Variants in HMG20A observed in about 807,000 individuals in gnomAD.
HMG20A encodes the protein high mobility group 20A.
A neutral mutation model predicts 43.9 loss-of-function variants in HMG20A; 17 were observed. The observed-to-expected ratio is 0.39, with a 90% CI of 0.27 to 0.58. HMG20A has a LOEUF of 0.58. Among genes scored for constraint, HMG20A ranks in the 20% least tolerant of loss-of-function variants. HMG20A has a pLI of 0.59. For synonymous variants in HMG20A, 132 were observed against 147.5 expected (o/e 0.89, Z 0.76); for missense variants, 341 against 438.2 (o/e 0.78, Z 1.98).
rs899889069 is a variant in HMG20A at position 77,458,488 on chromosome 15, T to C, written c.81T>C (p.Ala27=). 5 of 1,609,488 alleles carry C rather than the reference T, an allele frequency of 3.1e-6. No homozygotes were observed. In the African/African-American group the frequency reaches 4.0e-5, roughly 13 times the overall value. The part of the protein sequence containing the change: ...EDGSKESNDL[A]TTGLNHPEVP... ...GTTCCAAGGAGAGTAATGATCTGGC[T>C]ACCACTGGGTAAGCAGCTGCTTTAG... Residue 27 remains alanine, a synonymous_variant, in exon 2 of 10, where the codon GCT becomes GCC. Coordinates refer to ENST00000336216, the MANE Select transcript of HMG20A (RefSeq NM_001304504.2).
chr15:77,494,029 C>A, the HMG20A span, among the ~76,000 whole-genome samples: 303 of 152,298 alleles, frequency 2.0e-3, no homozygotes, highest in Non-Finnish European at 3.5e-3. Flanking sequence ...GAACTTTTCT[C>A]CCAGATCCTG....
intron 1 of HMG20A, 121 bp downstream of exon 1, chr15:77,421,125 G>T: frequency 2.5e-6 from 1 of 392,848 alleles, no homozygotes. Context: ...GGCTGAATGG[G>T]GGCGCCTCAA....
intron 2 of HMG20A, among the ~76,000 whole-genome samples, chr15:77,461,809 A>C (rs1028007175): frequency 6.6e-6 from 1 of 152,222 alleles, no homozygotes; most frequent in Non-Finnish European, 1.5e-5. Context: ...TTAGTAACTT[A>C]AAAATTGATG....
At chr15:77,458,794 G>C (rs1416738723) in intron 2 of HMG20A, among the ~76,000 whole-genome samples, 2 of 152,288 alleles carry the variant, frequency 1.3e-5, no homozygotes, top group African/African-American at 4.8e-5. Context: ...CACAGAGCTA[G>C]CTCTAAAAAA....
chr15:77,462,420 CT>C (rs1341822933), intron 2 of HMG20A, among the ~76,000 whole-genome samples: 5 of 152,152 alleles, frequency 3.3e-5, no homozygotes, highest in Non-Finnish European at 7.4e-5. Context: ...TTCTCACTGT[CT>C]TTCTGGAGAA....
chr15:77,421,421 TTGTC>T (rs1218954128), intron 1 of HMG20A, among the ~76,000 whole-genome samples: 4 of 152,174 alleles, frequency 2.6e-5, no homozygotes, highest in Non-Finnish European at 5.9e-5. Context: ...CCCAGCAAAA[TTGTC>T]TGTGTTTTCT....
intron 1 of HMG20A, among the ~76,000 whole-genome samples, chr15:77,457,261 C>G: frequency 6.6e-6 from 1 of 152,230 alleles, no homozygotes; most frequent in East Asian, 1.9e-4. Flanking sequence ...GATCCTGGCT[C>G]TGCTTTGCCG....
At chr15:77,500,576 TTGA>T in the HMG20A span, among the ~76,000 whole-genome samples, 3 of 150,834 alleles carry the variant, frequency 2.0e-5, no homozygotes, top group Non-Finnish European at 4.4e-5. Context: ...TTTTTTTTTT[TTGA>T]GACAAAGTCC....
At chr15:77,486,974 CA>C (rs1247213629), downstream of HMG20A, among the ~76,000 whole-genome samples, 1 of 152,164 alleles carries the variant, frequency 6.6e-6, no homozygotes, top group Admixed American at 6.5e-5. Context: ...CAAAGTTGGG[CA>C]GTTAAAGGCT....
At chr15:77,462,240 A>G (rs1007892897) in intron 2 of HMG20A, among the ~76,000 whole-genome samples, 1 of 152,158 alleles carries the variant, frequency 6.6e-6, no homozygotes, top group African/African-American at 2.4e-5. Context: ...AACATCTGCA[A>G]CTTTTTACTT....
chr15:77,501,652 A>G, the HMG20A span, among the ~76,000 whole-genome samples: 1 of 152,368 alleles, frequency 6.6e-6, no homozygotes, highest in South Asian at 2.1e-4. Context: ...TGTGACAGCT[A>G]TTTGACATCT....
the HMG20A span, among the ~76,000 whole-genome samples, chr15:77,497,112 A>C: frequency 6.6e-6 from 1 of 152,218 alleles, no homozygotes; most frequent in Non-Finnish European, 1.5e-5. Flanking sequence ...AGGGGCCTGC[A>C]GCTCCTTGCT....
At chr15:77,469,192 T>C (rs1567404446) in intron 4 of HMG20A, among the ~76,000 whole-genome samples, 1 of 149,376 alleles carries the variant, frequency 6.7e-6, no homozygotes, top group Non-Finnish European at 1.5e-5. Flanking sequence ...GTACATTATT[T>C]AAATTCTCCT....
chr15:77,489,998 G>A (rs1026630539), downstream of HMG20A, among the ~76,000 whole-genome samples: 1 of 152,122 alleles, frequency 6.6e-6, no homozygotes, highest in African/African-American at 2.4e-5. Flanking sequence ...ACTCTAGGCC[G>A]GGCGTGGTGG....
chr15:77,476,522 G>A (rs1394031161), intron 6 of HMG20A, among the ~76,000 whole-genome samples: 1 of 146,700 alleles, frequency 6.8e-6, no homozygotes. Flanking sequence ...AGCTAGTGGT[G>A]ACAAGAGTAG....
chr15:77,459,956 C>A (rs746981382), intron 2 of HMG20A, among the ~76,000 whole-genome samples: 3 of 152,122 alleles, frequency 2.0e-5, no homozygotes, highest in Non-Finnish European at 4.4e-5. Flanking sequence ...TCAAAATAAA[C>A]CCTTTAACTT....
At chr15:77,446,550 G>A (rs1389146566) in intron 1 of HMG20A, among the ~76,000 whole-genome samples, 5 of 152,218 alleles carry the variant, frequency 3.3e-5, no homozygotes, top group African/African-American at 7.2e-5. Context: ...GCTCACGCCT[G>A]TAATCCCAGC....
At chr15:77,426,248 C>G (rs994401657) in intron 1 of HMG20A, among the ~76,000 whole-genome samples, 1 of 152,042 alleles carries the variant, frequency 6.6e-6, no homozygotes, top group African/African-American at 2.4e-5. Context: ...TGAGGGGGTT[C>G]GGGGTGCTAA....
chr15:77,510,351 A>G, the HMG20A span, among the ~76,000 whole-genome samples: 1 of 151,476 alleles, frequency 6.6e-6, no homozygotes, highest in Admixed American at 6.6e-5. Flanking sequence ...GGACAGAGAC[A>G]CTCCTCCCCC....
Sources: allele counts gnomAD v4.1 joint callset (sites outside exome capture counted in the v4.1 genomes callset), GRCh38; gene constraint gnomAD v4.1.1; transcripts MANE v1.5; gene names NCBI Gene and HGNC (gene_info 2026-07-23, HGNC 2026-07-21).